IQGAP2: variants seen among roughly 807,000 people sequenced by gnomAD.
The protein encoded by IQGAP2 is IQ motif containing GTPase activating protein 2.
In IQGAP2, 173 loss-of-function variants were observed where a neutral mutation model predicts 201.3. That is an observed-to-expected ratio of 0.86 (90% CI 0.76 to 0.98). The LOEUF is 0.98. IQGAP2 is among the 50% of genes least tolerant of loss of function. The probability of loss-of-function intolerance (pLI) is 0.00; values close to 1 mark genes in which losing one functional copy is unlikely to be tolerated. For synonymous variants in IQGAP2, 675 were observed against 673.9 expected, an observed-to-expected ratio of 1.00 and a Z score of -0.03; for missense variants, 1,687 against 1,864.8, an observed-to-expected ratio of 0.90 and a Z score of 1.76.
At chr5:76,689,140 A>C (rs1746036079) in intron 30 of IQGAP2, among the ~76,000 whole-genome samples, 1 of 136,362 alleles carries the variant, frequency 7.3e-6, no homozygotes, top group African/African-American at 2.8e-5. Context: ...AGAAACATTT[A>C]TTTCTTTTTC....
intron 2 of IQGAP2, among the ~76,000 whole-genome samples, chr5:76,496,430 G>C (rs1394752116): frequency 1.3e-5 from 2 of 152,202 alleles, no homozygotes; most frequent in African/African-American, 4.8e-5. Flanking sequence ...AGAAAGGAGA[G>C]TGAGAAAGAC....
intron 20 of IQGAP2, among the ~76,000 whole-genome samples, chr5:76,657,303 T>G (rs1022308211): frequency 2.0e-5 from 3 of 152,198 alleles, no homozygotes; most frequent in Middle Eastern, 3.2e-3. Context: ...GGTGCATTGC[T>G]AAGGCCTTCC....
chr5:76,438,008 G>GTT (rs768892670), intron 1 of IQGAP2, among the ~76,000 whole-genome samples: 6 of 91,056 alleles, frequency 6.6e-5, no homozygotes, highest in Admixed American at 1.2e-4. Context: ...TTGGTCTGTA[G>GTT]TTTTTTTTTT....
intron 2 of IQGAP2, among the ~76,000 whole-genome samples, chr5:76,466,448 T>A (rs1754785366): frequency 6.6e-6 from 1 of 152,238 alleles, no homozygotes; most frequent in Non-Finnish European, 1.5e-5. Flanking sequence ...TTTCAAAACG[T>A]ACTTACAAAG....
chr5:76,554,255 G>A (rs1743755819), intron 2 of IQGAP2, among the ~76,000 whole-genome samples: 1 of 151,892 alleles, frequency 6.6e-6, no homozygotes, highest in African/African-American at 2.4e-5. Flanking sequence ...GAAAACATAG[G>A]TATAAATATA....
chr5:76,442,931 A>C (rs570614560), intron 1 of IQGAP2, among the ~76,000 whole-genome samples: 1 of 152,162 alleles, frequency 6.6e-6, no homozygotes. Flanking sequence ...AGGTTGCAAT[A>C]AGGCAAGATC....
intron 5 of IQGAP2, among the ~76,000 whole-genome samples, chr5:76,587,291 T>C (rs1361367808): frequency 6.6e-6 from 1 of 152,216 alleles, no homozygotes; most frequent in African/African-American, 2.4e-5. Flanking sequence ...TTTTATTGTG[T>C]GTGTACCCTT....
rs375933191 is a variant in IQGAP2 at position 76,640,967 on chromosome 5, G to A, written c.1958G>A (p.Arg653His). ...IIEEVTVGYI[R>H]ENIWSASEEL... ...GAGGAAGTCACAGTAGGTTACATTC[G>A]TGAGAATATATGGTCTGCTTCAGAA... is the stretch of plus-strand genomic sequence containing the variant. Residue 653 changes from arginine to histidine, a missense_variant, in exon 17 of 36, where the codon CGT (arginine) becomes CAT (histidine). Physicochemically the swap from Arg to His is conservative, Grantham distance 29 (BLOSUM62 0). Transcript: ENST00000274364. 79 of 1,600,894 alleles carry A rather than the reference G, an allele frequency of 4.9e-5. No individual in the cohort carries two copies. In the African/African-American group the frequency reaches 8.0e-4, roughly 16 times the overall value.
chr5:76,509,260 A>C (rs537076329), intron 2 of IQGAP2, among the ~76,000 whole-genome samples: 1 of 152,174 alleles, frequency 6.6e-6, no homozygotes, highest in Non-Finnish European at 1.5e-5. Flanking sequence ...TTCACAAATG[A>C]TGTGTAGAAA....
chr5:76,570,706 A>G (rs1459591826), intron 4 of IQGAP2, 49 bp downstream of exon 4: 1 of 1,194,222 alleles, frequency 8.4e-7, no homozygotes, highest in East Asian at 2.3e-5. Flanking sequence ...AAGGGGTAGT[A>G]CACAAACATC....
At position 76,636,729 on chromosome 5, in the gene IQGAP2, A is replaced by G. The variant is rs1751157920; in HGVS notation, c.1781-305A>G. 2.0e-5 allele frequency among the ~76,000 whole-genome samples: 3 copies of G among 152,246 alleles called. No individual in the cohort carries two copies. In the South Asian group the frequency reaches 6.2e-4, roughly 32 times the overall value. ...TTGTTTGCATCTACCTGGGACTTAT[A>G]ATTATTGTTTGCTTTTCCTTCTCTT... is the stretch of plus-strand genomic sequence containing the variant. On this transcript the variant is annotated intron_variant, in intron 15 of 35. Transcript: ENST00000274364.
rs140959824 is a variant in IQGAP2 at position 76,529,218 on chromosome 5, AATGATGTACAT to A, written c.147-33173_147-33163del. Among the ~76,000 whole-genome samples, 653 of 152,354 alleles carry A rather than the reference AATGATGTACAT, an allele frequency of 4.3e-3. 2 individuals carry two copies. Among genetic ancestry groups the A allele is most frequent in the African/African-American group, 0.015 (620 of 41,574 alleles). On this transcript the variant is annotated intron_variant, in intron 2 of 35. Transcript: ENST00000274364. ...TTGTCTTTCTTGAGCTGCTTTCACC[AATGATGTACAT>A]ATGAAAAAGGGATGTTATGAATAAG...
intron 13 of IQGAP2, 80 bp from the exon 14 acceptor site, chr5:76,627,330 T>G: frequency 1.1e-6 from 1 of 916,230 alleles, no homozygotes; most frequent in Non-Finnish European, 1.8e-6. Flanking sequence ...TATGATTAAA[T>G]GGCTCCTCAA....
At chr5:76,509,055 G>A (rs974238308) in intron 2 of IQGAP2, among the ~76,000 whole-genome samples, 14 of 131,336 alleles carry the variant, frequency 1.1e-4, no homozygotes, top group African/African-American at 2.9e-4. Flanking sequence ...GTGTGTGTGT[G>A]TGTATGTATG....
chr5:76,648,451 A>G (rs462587), intron 17 of IQGAP2, among the ~76,000 whole-genome samples: 75,743 of 151,964 alleles, frequency 0.5, 19,338 homozygotes, highest in Non-Finnish European at 0.56. Flanking sequence ...GACATTACCT[A>G]AGGTTCAATC....
chr5:76,506,637 A>G (rs764004611), intron 2 of IQGAP2, among the ~76,000 whole-genome samples: 2 of 152,244 alleles, frequency 1.3e-5, no homozygotes, highest in African/African-American at 2.4e-5. Context: ...ACAAAAATGT[A>G]CATAATATTC....
At chr5:76,490,064 G>A (rs967060210) in intron 2 of IQGAP2, among the ~76,000 whole-genome samples, 1 of 152,198 alleles carries the variant, frequency 6.6e-6, no homozygotes, top group African/African-American at 2.4e-5. Context: ...GAGAGTGCCG[G>A]TTGGAAATAA....
intron 8 of IQGAP2, among the ~76,000 whole-genome samples, chr5:76,590,983 A>C (rs1166940243): frequency 2.0e-5 from 3 of 152,048 alleles, no homozygotes; most frequent in Non-Finnish European, 4.4e-5. Context: ...TGTAGTCCCA[A>C]CTACTCGGGA....
chr5:76,436,486 TATATATATATATATATATATATATATATA>T (rs1360185192), intron 1 of IQGAP2, among the ~76,000 whole-genome samples: 1 of 12,774 alleles, frequency 7.8e-5, no homozygotes, highest in African/African-American at 4.4e-4. Flanking sequence ...CATATATATA[TATATATATATATATATATATATATATATA>T]TATTTTTTTT....
Sources: allele counts gnomAD v4.1 joint callset (sites outside exome capture counted in the v4.1 genomes callset), GRCh38; gene constraint gnomAD v4.1.1; transcripts MANE v1.5; gene names NCBI Gene and HGNC (gene_info 2026-07-23, HGNC 2026-07-21).